The following EIF2B3 variants were observed in gnomAD, a reference collection of about 807,000 sequenced individuals.
The protein encoded by EIF2B3 is eukaryotic translation initiation factor 2B subunit gamma, also known as translation initiation factor eIF2B subunit gamma.
A neutral mutation model predicts 54.1 loss-of-function variants in EIF2B3; 20 were observed. The ratio of observed to expected loss-of-function variants is 0.37; its 90% confidence interval spans 0.26 to 0.54. EIF2B3 has a LOEUF of 0.54. EIF2B3 is among the 20% of genes least tolerant of loss of function. The probability of loss-of-function intolerance (pLI) is 0.86; values close to 1 mark genes in which losing one functional copy is unlikely to be tolerated. For missense variants in EIF2B3, 448 were observed against 547.8 expected (o/e 0.82, Z 1.82); for synonymous variants, 153 against 188.1 (o/e 0.81, Z 1.52).
chr1:44,978,921 A>T (rs1429774123), intron 2 of EIF2B3, among the ~76,000 whole-genome samples: 1 of 151,578 alleles, frequency 6.6e-6, no homozygotes, highest in African/African-American at 2.4e-5. Flanking sequence ...ACAGACGTGA[A>T]CCACTGCATC....
At chr1:44,973,725 C>T (rs1644426104) in intron 3 of EIF2B3, among the ~76,000 whole-genome samples, 2 of 151,952 alleles carry the variant, frequency 1.3e-5, no homozygotes, top group South Asian at 2.1e-4. Context: ...AAGACAAATA[C>T]TCTATGATTC....
intron 8 of EIF2B3, among the ~76,000 whole-genome samples, chr1:44,877,218 A>C (rs991910273): frequency 6.0e-5 from 9 of 150,232 alleles, no homozygotes; most frequent in Non-Finnish European, 1.0e-4. Context: ...AAAAAAAAAA[A>C]AAAACACCTT....
chr1:44,890,752 A>G (rs1030462281), intron 6 of EIF2B3, among the ~76,000 whole-genome samples: 1 of 152,110 alleles, frequency 6.6e-6, no homozygotes, highest in South Asian at 2.1e-4. Flanking sequence ...TGCCCTAATA[A>G]ATCATCCAAA....
rs113200962 is a variant in EIF2B3, at chr1:44,853,994, G to GTT, written c.1307-2993_1307-2992dup. Among the ~76,000 whole-genome samples, 828 of 137,430 alleles carry GTT rather than the reference G, an allele frequency of 6.0e-3. 40 individuals carry two copies. Among genetic ancestry groups the GTT allele is most frequent in the African/African-American group, 0.022 (786 of 35,318 alleles). The allele number at this position is 137,430 out of a possible 152,430, so 90.2% of individuals were successfully genotyped here. A position where few individuals can be genotyped will look rare whatever the true frequency, so the allele number is the denominator to read the frequency against. ...ATGAAGCATGCTTTTAGCAGTTAGT[G>GTT]TTTTTTTTTTTTGTTTTTTTTTTTT... On this transcript the variant is annotated intron_variant, in intron 11 of 11. Coordinates refer to ENST00000360403, the MANE Select transcript of EIF2B3 (RefSeq NM_020365.5).
At chr1:44,917,534 T>C (rs1288190486) in intron 5 of EIF2B3, among the ~76,000 whole-genome samples, 1 of 151,718 alleles carries the variant, frequency 6.6e-6, no homozygotes, top group African/African-American at 2.4e-5. Context: ...AGATTTTACT[T>C]GATTCAGAAA....
chr1:44,959,299 AC>A, intron 3 of EIF2B3: 3 of 649,604 alleles, frequency 4.6e-6, no homozygotes, highest in Non-Finnish European at 5.7e-6. Context: ...AGCACCTGAA[AC>A]CAGCAACAGC....
At chr1:44,931,758 C>T (rs1454359100) in intron 4 of EIF2B3, among the ~76,000 whole-genome samples, 2 of 152,178 alleles carry the variant, frequency 1.3e-5, no homozygotes, top group Middle Eastern at 3.2e-3. Flanking sequence ...ATCCTTAGGC[C>T]AAGAAGCTCC....
chr1:44,890,069 C>G (rs1328717591), intron 6 of EIF2B3, among the ~76,000 whole-genome samples: 5 of 152,210 alleles, frequency 3.3e-5, no homozygotes, highest in Non-Finnish European at 7.3e-5. Flanking sequence ...GAAGCATGCT[C>G]TTGGCCACCT....
At chr1:44,947,256 G>A (rs1295050696) in intron 3 of EIF2B3, among the ~76,000 whole-genome samples, 1 of 152,138 alleles carries the variant, frequency 6.6e-6, no homozygotes, top group African/African-American at 2.4e-5. Flanking sequence ...AACATGCAAG[G>A]TTTCAAGGGA....
intron 5 of EIF2B3, among the ~76,000 whole-genome samples, chr1:44,902,785 G>T (rs970794462): frequency 1.5e-5 from 2 of 130,024 alleles, no homozygotes; most frequent in African/African-American, 2.8e-5. Flanking sequence ...CCATGAACGT[G>T]CTACTGCACT....
chr1:44,881,529 TG>T lies in EIF2B3; in HGVS notation c.784+82del. ...GTCTGCTGCCTTGAGTCAGGCATCT[TG>T]GGCTGGGCTAAGCTGCCCAACCACT... On this transcript the variant is annotated intron_variant, in intron 7 of 11. Coordinates refer to ENST00000360403, the MANE Select transcript of EIF2B3 (RefSeq NM_020365.5). The surrounding 1 kb of genome is among the most constrained non-coding windows in gnomAD (Gnocchi z 4.0). 6.4e-7 allele frequency: 1 copy of T among 1,565,698 alleles called. No individual in the cohort carries two copies. The highest frequency in any genetic ancestry group is 8.8e-7 in the Non-Finnish European group (1 of 1,142,164).
chr1:44,874,876 A>C, intron 9 of EIF2B3, 50 bp from the exon 10 acceptor site: 15 of 1,611,976 alleles, frequency 9.3e-6, no homozygotes, highest in Non-Finnish European at 1.3e-5. Context: ...AACCAACTGC[A>C]AACCACCCTC....
intron 3 of EIF2B3, among the ~76,000 whole-genome samples, chr1:44,964,660 T>C (rs1198545916): frequency 1.3e-5 from 2 of 152,244 alleles, no homozygotes; most frequent in African/African-American, 4.8e-5. Context: ...TAAGGAACTA[T>C]ACCTCTAACG....
At chr1:44,957,794 A>G (rs1009610580) in intron 3 of EIF2B3, among the ~76,000 whole-genome samples, 1 of 152,156 alleles carries the variant, frequency 6.6e-6, no homozygotes, top group African/African-American at 2.4e-5. Context: ...TTAAAATTCA[A>G]ATGACTCTGA....
At chr1:44,905,238 CA>C (rs1470013199) in intron 5 of EIF2B3, among the ~76,000 whole-genome samples, 12 of 152,044 alleles carry the variant, frequency 7.9e-5, no homozygotes. Context: ...AGGCCCTCTC[CA>C]AAAAAAGCAG....
chr1:44,923,722 T>C (rs891900614), intron 5 of EIF2B3, among the ~76,000 whole-genome samples: 5 of 152,158 alleles, frequency 3.3e-5, no homozygotes, highest in African/African-American at 1.2e-4. Flanking sequence ...CATTTAATCA[T>C]CTTTGTATTT....
At chr1:44,900,905 A>G (rs960380738) in intron 5 of EIF2B3, among the ~76,000 whole-genome samples, 7 of 152,036 alleles carry the variant, frequency 4.6e-5, no homozygotes, top group African/African-American at 1.7e-4. Flanking sequence ...GCCTATTTTG[A>G]AATTAGGCTG....
At chr1:44,884,681 A>G (rs1655519521) in intron 6 of EIF2B3, among the ~76,000 whole-genome samples, 1 of 152,216 alleles carries the variant, frequency 6.6e-6, no homozygotes, top group African/African-American at 2.4e-5. Context: ...AAACCAGTGT[A>G]GGCAGCAAAT....
intron 6 of EIF2B3, among the ~76,000 whole-genome samples, chr1:44,889,388 C>T (rs1269330256): frequency 5.9e-5 from 9 of 151,762 alleles, no homozygotes; most frequent in Non-Finnish European, 1.2e-4. Context: ...ATACAAAACA[C>T]CGGCCGGGTG....
Sources: allele counts gnomAD v4.1 joint callset (sites outside exome capture counted in the v4.1 genomes callset), GRCh38; gene constraint gnomAD v4.1.1; non-coding constraint Gnocchi (gnomAD v3.1); transcripts MANE v1.5; gene names NCBI Gene and HGNC (gene_info 2026-07-23, HGNC 2026-07-21).